SPATA31C2: variants seen among roughly 807,000 people sequenced by gnomAD.
SPATA31C2 encodes the protein SPATA31 subfamily C member 2.
SPATA31C2 carries 5 observed loss-of-function variants against 11.4 expected under a neutral mutation model. The observed-to-expected ratio is 0.44, with a 90% CI of 0.23 to 0.92. The LOEUF (loss-of-function observed/expected upper bound fraction) is 0.92, where lower values mean the gene tolerates loss of function less well. SPATA31C2 is among the 40% of genes least tolerant of loss of function. The probability of loss-of-function intolerance (pLI) is 0.24; values close to 1 mark genes in which losing one functional copy is unlikely to be tolerated. For synonymous variants in SPATA31C2, 515 were observed against 538.7 expected, an observed-to-expected ratio of 0.96 and a Z score of 0.61; for missense variants, 1,353 against 1,368.6, an observed-to-expected ratio of 0.99 and a Z score of 0.18.
Position 88,130,236 on chromosome 9 carries a change from G to C in SPATA31C2, c.2801C>G (p.Pro934Arg). The change falls in exon 4 of 4, where the codon CCC (proline) becomes CGC (arginine). Residue 934 changes from proline (P) to arginine (R), a missense_variant. Pro to Arg is a moderately radical substitution (Grantham distance 103, BLOSUM62 -2). Transcript: ENST00000324915. ...ARRSNMGHKEPRNPNCQGSCK... is the reference protein window; with the variant it reads ...ARRSNMGHKERRNPNCQGSCK... ...TGAGCCTTGACAGTTTGGGTTCCTGGGCTCCTTGTGCCCCATGTTACTCCT... is the reference window on the plus strand; with the variant it reads ...TGAGCCTTGACAGTTTGGGTTCCTGCGCTCCTTGTGCCCCATGTTACTCCT... 6.2e-7 allele frequency: 1 copy of C among 1,609,174 alleles called. No homozygotes were observed. The highest frequency in any genetic ancestry group is 8.5e-7 in the Non-Finnish European group (1 of 1,178,196).
chr9:88,132,040 A>C lies in SPATA31C2; in HGVS notation c.997T>G (p.Ser333Ala). The C allele has an allele frequency of 6.2e-7, 1 of 1,610,894 alleles. No individual in the cohort carries two copies. Among genetic ancestry groups the C allele is most frequent in the Non-Finnish European group, 8.5e-7 (1 of 1,177,728 alleles). Residue 333 changes from serine to alanine, a missense_variant, in exon 4 of 4, where the codon TCC (serine) becomes GCC (alanine). Around this residue, in one of 6 missense-constraint regions of SPATA31C2, gnomAD observed 1,075 missense variants for 992.8 expected, o/e 1.08. Transcript: ENST00000324915. ...AQPLSHLEPE[S>A]QPFISSTPQF... ...GGTGTGGATGAAATAAAGGGTTGGG[A>C]CTCAGGCTCCAGATGGGACAGGGGC...
Position 88,130,504 on chromosome 9 carries a change from C to T in SPATA31C2, c.2533G>A (p.Asp845Asn), listed in dbSNP as rs771719543. ...TCCATGAGACACAGCTTTCTTGGGT[C>T]TTGGGAGACAGACATTCTAGGGAGT... ...SLLPRMSVSQ[D>N]PRKLCLMEEA... is the part of the protein sequence containing the mutation. Residue 845 changes from aspartate (D) to asparagine (N), a missense_variant, in exon 4 of 4, where the codon GAC becomes AAC. Asp to Asn is a conservative substitution (Grantham distance 23). Transcript: ENST00000324915. 2.5e-6 allele frequency: 4 copies of T among 1,613,374 alleles called. No individual in the cohort carries two copies. In the South Asian group the frequency reaches 3.3e-5, roughly 13 times the overall value.
At position 88,129,933 on chromosome 9, in the gene SPATA31C2, C is replaced by G. The variant is rs773936688; in HGVS notation, c.3104G>C (p.Ser1035Thr). The change falls in exon 4 of 4, where the codon AGC (serine) becomes ACC (threonine). Residue 1035 changes from serine (S) to threonine (T), a missense_variant. Ser to Thr is a moderately conservative substitution (Grantham distance 58, BLOSUM62 1). Coordinates refer to ENST00000324915, the MANE Select transcript of SPATA31C2 (RefSeq NM_001350978.3). Reference protein sequence around the residue: ...ERKPAPVTAESQKTVKNRSCV... With the variant: ...ERKPAPVTAETQKTVKNRSCV... ...TGATCTGTTTTTTACTGTTTTTTGG[C>G]TCTCAGCAGTGACTGGTGCTGGCTT... 1 of 1,607,582 alleles carries G rather than the reference C, an allele frequency of 6.2e-7. No homozygotes were observed.
chr9:88,136,473 G>A (rs1825683629), intron 1 of SPATA31C2, among the ~76,000 whole-genome samples: 1 of 145,688 alleles, frequency 6.9e-6, no homozygotes, highest in Admixed American at 7.4e-5. Context: ...ATCAGGTGTG[G>A]TTTGCACTTT....
In SPATA31C2 at chr9:88,132,595, T is replaced by G. The variant is rs976828559; in HGVS notation, c.442A>C (p.Thr148Pro). ...DGASRSSHEP[T>P]EDAAPIVSPL... is the part of the protein sequence containing the mutation. ...GAGACAATGGGAGCAGCGTCTTCCG[T>G]AGGCTCATGAGAGGACCGGGAGGCT... Residue 148 changes from threonine to proline, a missense_variant, in exon 4 of 4, where the codon ACG becomes CCG. By Grantham distance (38) the Thr-to-Pro change is conservative. This residue lies in a region of SPATA31C2 where 1,075 missense variants were observed against 992.8 expected (regional missense o/e 1.08). Transcript: ENST00000324915. The G allele has an allele frequency of 2.5e-5, 40 of 1,610,070 alleles. No homozygotes were observed. The highest frequency in any genetic ancestry group is 3.4e-5 in the Non-Finnish European group (40 of 1,177,636).
rs644084 is a variant in SPATA31C2 at position 88,132,393 on chromosome 9, C to T, written c.644G>A (p.Arg215His). 3.9e-5 allele frequency: 63 copies of T among 1,610,820 alleles called. No homozygotes were observed. The highest frequency in any genetic ancestry group is 2.2e-4 in the Admixed American group (13 of 59,830). Residue 215 changes from arginine (R) to histidine (H), a missense_variant, in exon 4 of 4, where the codon CGC (arginine) becomes CAC (histidine). By Grantham distance (29) the Arg-to-His change is conservative (BLOSUM62 0). Around this residue, in one of 6 missense-constraint regions of SPATA31C2, gnomAD observed 1,075 missense variants for 992.8 expected, o/e 1.08. Coordinates refer to ENST00000324915, the MANE Select transcript of SPATA31C2 (RefSeq NM_001350978.3). The stretch of plus-strand genomic sequence containing the variant: ...AGAGCAGGCCAGAGGATCAGGAGTG[C>T]GTGGTGGGTGAGGGAAAAGTGCAGG... Reference protein sequence around the residue: ...EPPALFPHPPRTPDPLACSPP... With the variant: ...EPPALFPHPPHTPDPLACSPP...
rs749638944 is a variant in SPATA31C2 at position 88,132,080 on chromosome 9, C to A, written c.957G>T (p.Leu319=). ...GGGACAGGGGCTGGGCCTGGAAAAG[C>A]AGTGGGGACATTGTAGTGTCCCTTT... The part of the protein sequence containing the change: ...SRQRDTTMSP[L]LFQAQPLSHL... The change falls in exon 4 of 4, where the codon CTG becomes CTT. Residue 319 remains leucine, a synonymous_variant. Coordinates refer to ENST00000324915, the MANE Select transcript of SPATA31C2 (RefSeq NM_001350978.3). 17 of 1,610,738 alleles carry A rather than the reference C, an allele frequency of 1.1e-5. No homozygotes were observed. The highest frequency in any genetic ancestry group is 1.0e-4 in the Admixed American group (6 of 59,824).
chr9:88,131,199 T>G lies in SPATA31C2; in HGVS notation c.1838A>C (p.His613Pro), dbSNP rs775185030. Residue 613 changes from histidine to proline, a missense_variant, in exon 4 of 4, where the codon CAC (histidine) becomes CCC (proline). By Grantham distance (77) the His-to-Pro change is moderately conservative. Around this residue, in one of 6 missense-constraint regions of SPATA31C2, gnomAD observed 1,075 missense variants for 992.8 expected, o/e 1.08. Coordinates refer to ENST00000324915, the MANE Select transcript of SPATA31C2 (RefSeq NM_001350978.3). Reference protein sequence around the residue: ...VNQAFPVSNTHVKTSNLAAPK... With the variant: ...VNQAFPVSNTPVKTSNLAAPK... ...GGCTGCTAGATTGCTGGTTTTCACGTGGGTGTTGGAGACGGGAAAAGCCTG... is the reference window on the plus strand; with the variant it reads ...GGCTGCTAGATTGCTGGTTTTCACGGGGGTGTTGGAGACGGGAAAAGCCTG... 3.7e-6 allele frequency: 6 copies of G among 1,611,736 alleles called. No individual in the cohort carries two copies. The highest frequency in any genetic ancestry group is 5.1e-6 in the Non-Finnish European group (6 of 1,179,858).
At position 88,132,449 on chromosome 9, in the gene SPATA31C2, G is replaced by A; in HGVS notation, c.588C>T (p.Ser196=). ...SLSASQPPEP[S]LLLEHPSPEP... is the part of the protein sequence containing the mutation. ...CGGGTGAGGGATGTTCTAGGAGAAG[G>A]GAAGGTTCTGGTGGCTGGGAGGCAC... Residue 196 remains serine (S), a synonymous_variant, in exon 4 of 4, where the codon TCC becomes TCT. Transcript: ENST00000324915. 1 of 1,611,298 alleles carries A rather than the reference G, an allele frequency of 6.2e-7. No individual in the cohort carries two copies. The highest frequency in any genetic ancestry group is 1.1e-5 in the South Asian group (1 of 91,032).
intron 1 of SPATA31C2, among the ~76,000 whole-genome samples, chr9:88,134,136 A>T (rs1317203203): frequency 6.7e-6 from 1 of 148,564 alleles, no homozygotes; most frequent in African/African-American, 2.5e-5. Context: ...GCCTGCACAA[A>T]AAACAAAATA....
In SPATA31C2 at chr9:88,132,095, A is replaced by C; in HGVS notation, c.942T>G (p.Thr314=). The part of the protein sequence containing the change: ...QQDHLSRQRD[T]TMSPLLFQAQ... ...CCTGGAAAAGCAGTGGGGACATTGT[A>C]GTGTCCCTTTGGCGGGAAAGATGAT... The change falls in exon 4 of 4, where the codon ACT becomes ACG. Residue 314 remains threonine, a synonymous_variant. Coordinates refer to ENST00000324915, the MANE Select transcript of SPATA31C2 (RefSeq NM_001350978.3). 3 of 1,610,726 alleles carry C rather than the reference A, an allele frequency of 1.9e-6. No homozygotes were observed. The highest frequency in any genetic ancestry group is 2.5e-6 in the Non-Finnish European group (3 of 1,177,626).
At chr9:88,133,717 G>A in intron 1 of SPATA31C2, 48 bp from the exon 2 acceptor site, 5 of 1,598,614 alleles carry the variant, frequency 3.1e-6, no homozygotes, top group South Asian at 2.2e-5. Flanking sequence ...CTCCCTCTCT[G>A]CCCCCAGCCC....
chr9:88,131,947 G>C lies in SPATA31C2; in HGVS notation c.1090C>G (p.Leu364Val), dbSNP rs1825604433. The change falls in exon 4 of 4, where the codon CTA (leucine) becomes GTA (valine). Residue 364 changes from leucine to valine, a missense_variant. Leu to Val is a conservative substitution (Grantham distance 32, BLOSUM62 1). Transcript: ENST00000324915. ...ATCGGGGATAGAAAAGCAGGAGATA[G>C]GACTGGGAAAGAGGATTGAAGATGG... ...QAHLQSSFPVLSPAFLSPMKN... is the reference protein window; with the variant it reads ...QAHLQSSFPVVSPAFLSPMKN... 1 of 1,610,806 alleles carries C rather than the reference G, an allele frequency of 6.2e-7. No individual in the cohort carries two copies. Among genetic ancestry groups the C allele is most frequent in the African/African-American group, 1.3e-5 (1 of 74,866 alleles).
In SPATA31C2 at chr9:88,130,425, G is replaced by C; in HGVS notation, c.2612C>G (p.Pro871Arg). The part of the protein sequence containing the change: ...PGKATKSETQ[P>R]QVSATVVLLP... ...GAGCACAACAGTGGCAGAAACTTGAGGCTGGGTCTCTGACTTCGTGGCCTT... is the reference window on the plus strand; with the variant it reads ...GAGCACAACAGTGGCAGAAACTTGACGCTGGGTCTCTGACTTCGTGGCCTT... The change falls in exon 4 of 4, where the codon CCT becomes CGT. Residue 871 changes from proline to arginine, a missense_variant. By Grantham distance (103) the Pro-to-Arg change is moderately radical (BLOSUM62 -2). Coordinates refer to ENST00000324915, the MANE Select transcript of SPATA31C2 (RefSeq NM_001350978.3). 1 of 1,612,818 alleles carries C rather than the reference G, an allele frequency of 6.2e-7. No individual in the cohort carries two copies. Among genetic ancestry groups the C allele is most frequent in the Non-Finnish European group, 8.5e-7 (1 of 1,179,524 alleles).
chr9:88,137,813 G>C (rs1427945779), intron 1 of SPATA31C2, among the ~76,000 whole-genome samples: 1,760 of 78,286 alleles, frequency 0.022, 89 homozygotes, highest in Non-Finnish European at 0.029. Context: ...GGCCCTCGGG[G>C]GCCCAGCACA....
At position 88,132,020 on chromosome 9, in the gene SPATA31C2, G is replaced by A. The variant is rs1248534474; in HGVS notation, c.1017C>T (p.Ser339=). The A allele has an allele frequency of 6.2e-7, 1 of 1,610,982 alleles. No individual in the cohort carries two copies. The highest frequency in any genetic ancestry group is 1.1e-5 in the South Asian group (1 of 91,040). ...TAGGTGTGGGCCAGAATTGGGGTGT[G>A]GATGAAATAAAGGGTTGGGACTCAG... ...LEPESQPFIS[S]TPQFWPTPMA... The change falls in exon 4 of 4, where the codon TCC becomes TCT. Residue 339 remains serine (S), a synonymous_variant. Coordinates refer to ENST00000324915, the MANE Select transcript of SPATA31C2 (RefSeq NM_001350978.3).
chr9:88,131,880 A>G lies in SPATA31C2; in HGVS notation c.1157T>C (p.Val386Ala). The change falls in exon 4 of 4, where the codon GTG becomes GCG. Residue 386 changes from valine to alanine, a missense_variant. Transcript: ENST00000324915. Reference sequence around the variant, plus strand: ...AGTTTCAGGTAGGGAGAGAGCTTGCACTTTATTCTGCGACGCAGGGCAAGC... The same window carrying G: ...AGTTTCAGGTAGGGAGAGAGCTTGCGCTTTATTCTGCGACGCAGGGCAAGC... Reference protein sequence around the residue: ...GVACPASQNKVQALSLPETQH... With the variant: ...GVACPASQNKAQALSLPETQH... The G allele has an allele frequency of 6.2e-7, 1 of 1,610,716 alleles. No homozygotes were observed.
Position 88,129,701 on chromosome 9 carries a change from G to C in SPATA31C2, c.3336C>G (p.Ala1112=), listed in dbSNP as rs548448156. ...SEHSRMLSYA[A]SSQQATLKNQ... The stretch of plus-strand genomic sequence containing the variant: ...TCTTGAGAGTGGCTTGTTGACTGCT[G>C]GCTGCATAGCTCAGCATTCTGCTGT... The change falls in exon 4 of 4, where the codon GCC becomes GCG. Residue 1112 remains alanine (A), a synonymous_variant. Coordinates refer to ENST00000324915, the MANE Select transcript of SPATA31C2 (RefSeq NM_001350978.3). The C allele has an allele frequency of 5.6e-6, 9 of 1,603,634 alleles. No individual in the cohort carries two copies. In the East Asian group the frequency reaches 2.0e-4, roughly 36 times the overall value.
At position 88,130,174 on chromosome 9, in the gene SPATA31C2, T is replaced by C. The variant is rs766124399; in HGVS notation, c.2863A>G (p.Lys955Glu). ...TTGGGCTTCCTAGAGTTCTCCCTCTTGTGAGTAGGGGGAAACATTGGGCTT... is the reference window on the plus strand; with the variant it reads ...TTGGGCTTCCTAGAGTTCTCCCTCTCGTGAGTAGGGGGAAACATTGGGCTT... ...SQSPMFPPTHKRENSRKPNLE... is the reference protein window; with the variant it reads ...SQSPMFPPTHERENSRKPNLE... The change falls in exon 4 of 4, where the codon AAG (lysine) becomes GAG (glutamate). Residue 955 changes from lysine to glutamate, a missense_variant. Around this residue, in one of 6 missense-constraint regions of SPATA31C2, gnomAD observed 16 missense variants for 45.1 expected, o/e 0.35. Coordinates refer to ENST00000324915, the MANE Select transcript of SPATA31C2 (RefSeq NM_001350978.3). 3 of 1,608,670 alleles carry C rather than the reference T, an allele frequency of 1.9e-6. No individual in the cohort carries two copies. In the East Asian group the frequency reaches 6.7e-5, roughly 36 times the overall value.
Sources: allele counts gnomAD v4.1 joint callset (sites outside exome capture counted in the v4.1 genomes callset), GRCh38; gene constraint gnomAD v4.1.1; regional missense constraint gnomAD v4.1.1; transcripts MANE v1.5; gene names NCBI Gene and HGNC (gene_info 2026-07-23, HGNC 2026-07-21).